Variants in PARD3 observed in about 807,000 individuals in gnomAD.
The protein encoded by PARD3 is partitioning defective 3 homolog.
Under a neutral mutation model 155.4 loss-of-function variants are expected in PARD3, and 75 were observed. That is an observed-to-expected ratio of 0.48 (90% CI 0.40 to 0.58). The LOEUF (loss-of-function observed/expected upper bound fraction) is 0.58. Ranked by LOEUF, PARD3 falls within the 20% of genes least tolerant of loss-of-function variation. The pLI is 0.00. For synonymous variants in PARD3, 576 were observed against 610.5 expected (o/e 0.94, Z 0.83); for missense variants, 1,642 against 1,721.7 (o/e 0.95, Z 0.82).
intron 1 of PARD3, among the ~76,000 whole-genome samples, chr10:34,760,148 C>T (rs909259420): frequency 6.6e-6 from 1 of 151,696 alleles, no homozygotes; most frequent in Admixed American, 6.6e-5. Flanking sequence ...TCTGTGTAAA[C>T]CCCTCCCCAA....
intron 5 of PARD3, among the ~76,000 whole-genome samples, chr10:34,422,170 A>C (rs2075346764): frequency 6.6e-6 from 1 of 152,160 alleles, no homozygotes; most frequent in South Asian, 2.1e-4. Flanking sequence ...AGATAATATC[A>C]TGGATTTTAA....
intron 4 of PARD3, among the ~76,000 whole-genome samples, chr10:34,463,205 G>C (rs1315293732): frequency 7.1e-6 from 1 of 140,192 alleles, no homozygotes; most frequent in Non-Finnish European, 1.6e-5. Context: ...GGAAGGAAAG[G>C]GGAAGGGAAA....
intron 1 of PARD3, among the ~76,000 whole-genome samples, chr10:34,767,671 T>C (rs1482330168): frequency 6.6e-6 from 1 of 151,994 alleles, no homozygotes; most frequent in African/African-American, 2.4e-5. Flanking sequence ...TAATCTGGGC[T>C]CACTGCAGCC....
Position 34,269,925 on chromosome 10 carries a change from T to C in PARD3, c.3177-26A>G, listed in dbSNP as rs1160462825. 3 of 1,607,200 alleles carry C rather than the reference T, an allele frequency of 1.9e-6. No individual in the cohort carries two copies. The Admixed American group carries it at 5.1e-5, about 27-fold the overall frequency. ...CTATGAAATCAGAACAAAGTTGAAA[T>C]AAGAGAAACCTTTCCTTTTTTAGGA... On this transcript the variant is annotated intron_variant, in intron 21 of 24. Coordinates refer to ENST00000374788, the MANE Select transcript of PARD3 (RefSeq NM_001184785.2).
chr10:34,714,335 T>A (rs2094487842), intron 1 of PARD3, among the ~76,000 whole-genome samples: 1 of 152,226 alleles, frequency 6.6e-6, no homozygotes, highest in African/African-American at 2.4e-5. Context: ...CAGAGTAGAC[T>A]ATTATTAGGA....
intron 22 of PARD3, among the ~76,000 whole-genome samples, chr10:34,215,265 G>C (rs1386613546): frequency 1.3e-5 from 2 of 152,138 alleles, no homozygotes; most frequent in East Asian, 3.9e-4. Flanking sequence ...ACTGTGCCCA[G>C]ACTTGTCAAA....
At chr10:34,636,784 C>T (rs1312458935) in intron 2 of PARD3, among the ~76,000 whole-genome samples, 1 of 152,186 alleles carries the variant, frequency 6.6e-6, no homozygotes, top group Non-Finnish European at 1.5e-5. Flanking sequence ...AGACCCGATG[C>T]CGTGACGGGC....
intron 5 of PARD3, among the ~76,000 whole-genome samples, chr10:34,423,853 A>C (rs1034456937): frequency 6.6e-6 from 1 of 152,102 alleles, no homozygotes; most frequent in African/African-American, 2.4e-5. Flanking sequence ...GTGTTTTTCA[A>C]CTCACAGAAC....
At position 34,234,764 on chromosome 10, in the gene PARD3, C is replaced by T. The variant is rs76015809; in HGVS notation, c.3419+34893G>A. Among the ~76,000 whole-genome samples the T allele has an allele frequency of 5.8e-3, 890 of 152,264 alleles. 4 individuals are homozygous for T. The highest frequency in any genetic ancestry group is 7.6e-3 in the Non-Finnish European group (519 of 68,026). Reference sequence around the variant, plus strand: ...CACCACTATGTACCCAGCACAGTGACCTCCAATATATATTTGCTCAATGAA... The same window carrying T: ...CACCACTATGTACCCAGCACAGTGATCTCCAATATATATTTGCTCAATGAA... On this transcript the variant is annotated intron_variant, in intron 22 of 24. Coordinates refer to ENST00000374788, the MANE Select transcript of PARD3 (RefSeq NM_001184785.2).
intron 5 of PARD3, among the ~76,000 whole-genome samples, chr10:34,405,507 T>A (rs1237882584): frequency 6.6e-6 from 1 of 152,072 alleles, no homozygotes; most frequent in Non-Finnish European, 1.5e-5. Context: ...GTCTTTAGGA[T>A]GAGTAAAGAA....
At chr10:34,352,903 C>G (rs1187712405) in intron 14 of PARD3, among the ~76,000 whole-genome samples, 1 of 151,902 alleles carries the variant, frequency 6.6e-6, no homozygotes, top group South Asian at 2.1e-4. Flanking sequence ...AAGTGAGGAG[C>G]GTCTCTGCCC....
At chr10:34,707,862 C>CCT (rs1197270381) in intron 1 of PARD3, among the ~76,000 whole-genome samples, 1 of 152,208 alleles carries the variant, frequency 6.6e-6, no homozygotes, top group Non-Finnish European at 1.5e-5. Flanking sequence ...CAAACATCCA[C>CCT]CTCTCACTGC....
intron 23 of PARD3, among the ~76,000 whole-genome samples, chr10:34,127,249 A>G (rs902178922): frequency 3.3e-5 from 5 of 152,242 alleles, no homozygotes; most frequent in Non-Finnish European, 7.3e-5. Flanking sequence ...GAGGTCTCGC[A>G]TGTGGATACA....
intron 4 of PARD3, among the ~76,000 whole-genome samples, chr10:34,467,503 T>C (rs1164935135): frequency 6.6e-6 from 1 of 152,048 alleles, no homozygotes; most frequent in Admixed American, 6.6e-5. Context: ...AATTCCAGCC[T>C]TTGGGACGCT....
chr10:34,143,527 TG>T (rs1194775119), intron 22 of PARD3, among the ~76,000 whole-genome samples: 1 of 152,252 alleles, frequency 6.6e-6, no homozygotes, highest in Non-Finnish European at 1.5e-5. Flanking sequence ...ACATTTTCTT[TG>T]TTTTTGCTTT....
At chr10:34,582,134 T>C (rs749365209) in intron 2 of PARD3, among the ~76,000 whole-genome samples, 8 of 152,370 alleles carry the variant, frequency 5.3e-5, no homozygotes, top group Middle Eastern at 3.4e-3. Flanking sequence ...AGTTGTGCTA[T>C]AAAACATATT....
In PARD3 at chr10:34,682,070, C is replaced by G. The variant is rs2093853416; in HGVS notation, c.222+14248G>C. 2.6e-5 allele frequency among the ~76,000 whole-genome samples: 4 copies of G among 151,996 alleles called. No homozygotes were observed. In the South Asian group the frequency reaches 8.3e-4, roughly 32 times the overall value. ...AGAAAAGGATGCTGTTACAGAAATG[C>G]AACTGCAGTGTCATCTCAACCTCAA... On this transcript the variant is annotated intron_variant, in intron 2 of 24. Coordinates refer to ENST00000374788, the MANE Select transcript of PARD3 (RefSeq NM_001184785.2).
rs151098935 is a variant in PARD3, at chr10:34,238,324, A to C, written c.3419+31333T>G. 5.3e-3 allele frequency among the ~76,000 whole-genome samples: 810 copies of C among 152,330 alleles called. 2 individuals are homozygous for C. Among genetic ancestry groups the C allele is most frequent in the African/African-American group, 0.017 (716 of 41,586 alleles). ...TGTGCTCACTTCTTCCTCAAAACCC[A>C]GGGTGCATTTCATAGCCTAACAGAT... is the stretch of plus-strand genomic sequence containing the variant. On this transcript the variant is annotated intron_variant, in intron 22 of 24. Transcript: ENST00000374788.
At chr10:34,248,820 C>A (rs1954118644) in intron 22 of PARD3, among the ~76,000 whole-genome samples, 1 of 152,220 alleles carries the variant, frequency 6.6e-6, no homozygotes, top group African/African-American at 2.4e-5. Flanking sequence ...TTCATACTCA[C>A]ACAAAGCAAG....
Sources: gnomAD v4.1 joint callset for allele counts (sites outside exome capture counted in the v4.1 genomes callset) on GRCh38, gnomAD v4.1.1 for gene constraint, MANE v1.5 for transcripts, NCBI Gene and HGNC (gene_info 2026-07-23, HGNC 2026-07-21) for gene names.